Variants in CNP observed in about 807,000 individuals in gnomAD.
CNP encodes 2',3'-cyclic-nucleotide 3'-phosphodiesterase.
In CNP, 8 loss-of-function variants were observed where a neutral mutation model predicts 37.9. That is an observed-to-expected ratio of 0.21 (90% CI 0.12 to 0.38). CNP has a LOEUF of 0.38. Ranked by LOEUF, CNP falls within the 10% of genes least tolerant of loss-of-function variation. CNP has a pLI of 1.00. For synonymous variants in CNP, 237 were observed against 238.3 expected, an observed-to-expected ratio of 0.99 and a Z score of 0.05; for missense variants, 457 against 551.0, an observed-to-expected ratio of 0.83 and a Z score of 1.71.
In CNP at chr17:41,966,860, G is replaced by A. The variant is rs947034782; in HGVS notation, c.-25G>A. On this transcript the variant is annotated 5_prime_UTR_variant, in exon 1 of 4. Transcript: ENST00000393892. ...CCGGAGCGCTGGTGCCGGCAGAGGC[G>A]GCGACGGTGGCGCCCCTCCTCATCA... 3 of 1,363,396 alleles carry A rather than the reference G, an allele frequency of 2.2e-6. No homozygotes were observed. Among genetic ancestry groups the A allele is most frequent in the African/African-American group, 3.0e-5 (2 of 65,902 alleles). 84.5% of individuals were successfully genotyped at this position (1,363,396 alleles called of 1,614,324 possible).
chr17:41,972,517 G>A (rs1395169401), intron 3 of CNP, among the ~76,000 whole-genome samples: 3 of 152,094 alleles, frequency 2.0e-5, no homozygotes, highest in African/African-American at 7.2e-5. Context: ...CCACACAGCT[G>A]GCACCTTACA....
chr17:41,971,765 G>A (rs2050993776), intron 2 of CNP, 127 bp from the exon 3 acceptor site: 2 of 1,245,090 alleles, frequency 1.6e-6, no homozygotes, highest in East Asian at 2.4e-5. Flanking sequence ...TGAATGAGCT[G>A]TAGTGGGTTG....
At position 41,966,833 on chromosome 17, in the gene CNP, C is replaced by T. The variant is rs2050902480; in HGVS notation, c.-52C>T. The T allele has an allele frequency of 2.9e-6, 4 of 1,375,656 alleles. No individual in the cohort carries two copies. The highest frequency in any genetic ancestry group is 3.3e-5 in the South Asian group (2 of 60,998). The allele number at this position is 1,375,656 out of a possible 1,614,324, so 85.2% of individuals were successfully genotyped here. A position where few individuals can be genotyped will look rare whatever the true frequency, so the allele number is the denominator to read the frequency against. Reference sequence around the variant, plus strand: ...CGTGTCCCTCCGCGCAGGCGGGCGGCCCCGGAGCGCTGGTGCCGGCAGAGG... The same window carrying T: ...CGTGTCCCTCCGCGCAGGCGGGCGGTCCCGGAGCGCTGGTGCCGGCAGAGG... On this transcript the variant is annotated 5_prime_UTR_variant, in exon 1 of 4. Transcript: ENST00000393892.
chr17:41,976,536 T>A lies in CNP; in HGVS notation c.*2612T>A. On this transcript the variant is annotated 3_prime_UTR_variant, in exon 4 of 4. Transcript: ENST00000393892. ...AGCTGCCTCCCTGTCCACCCCCGCC[T>A]CCCTCCCCTGCCCTCGGTCTTCGGC... The A allele has an allele frequency of 2.6e-4, 122 of 474,900 alleles. No homozygotes were observed. Among genetic ancestry groups the A allele is most frequent in the East Asian group, 5.2e-4 (10 of 19,384 alleles). The allele number at this position is 474,900 out of a possible 1,614,324, so 29.4% of individuals were successfully genotyped here. A position where few individuals can be genotyped will look rare whatever the true frequency, so the allele number is the denominator to read the frequency against.
At position 41,973,629 on chromosome 17, in the gene CNP, C is replaced by T. The variant is rs34044046; in HGVS notation, c.971C>T (p.Pro324Leu). The T allele has an allele frequency of 3.4e-4, 547 of 1,614,136 alleles. 2 individuals are homozygous for T. The African/African-American group carries it at 4.1e-3, about 12-fold the overall frequency. ...VDKLSPTDNL[P>L]RGSRAHITLG... Reference sequence around the variant, plus strand: ...AAGCTGTCACCCACTGACAACCTGCCGCGGGGGAGCCGCGCCCACATCACC... The same window carrying T: ...AAGCTGTCACCCACTGACAACCTGCTGCGGGGGAGCCGCGCCCACATCACC... The change falls in exon 4 of 4, where the codon CCG becomes CTG. Residue 324 changes from proline (P) to leucine (L), a missense_variant. Physicochemically the swap from Pro to Leu is moderately conservative, Grantham distance 98. This residue lies in a region of CNP where 291 missense variants were observed against 291.7 expected (regional missense o/e 1.00). Transcript: ENST00000393892.
At position 41,968,884 on chromosome 17, in the gene CNP, G is replaced by A. The variant is rs896936612; in HGVS notation, c.676+144G>A. On this transcript the variant is annotated intron_variant, in intron 2 of 3. Coordinates refer to ENST00000393892, the MANE Select transcript of CNP (RefSeq NM_033133.5). The surrounding 1 kb of genome is among the most constrained non-coding windows in gnomAD (Gnocchi z 4.8). The stretch of plus-strand genomic sequence containing the variant: ...CACCTCAGCGGGGGCAGGGGCAAGC[G>A]GTGCGTCCCAGTGGTAGCCTTGGGG... The A allele has an allele frequency of 2.0e-6, 2 of 988,124 alleles. No homozygotes were observed. Among genetic ancestry groups the A allele is most frequent in the Non-Finnish European group, 2.9e-6 (2 of 690,824 alleles). 61.2% of individuals were successfully genotyped at this position (988,124 alleles called of 1,614,324 possible).
rs1270724364 is a variant in CNP, at chr17:41,977,683, A to G, written c.*3759A>G. On this transcript the variant is annotated 3_prime_UTR_variant, in exon 4 of 4. Coordinates refer to ENST00000393892, the MANE Select transcript of CNP (RefSeq NM_033133.5). ...TATAATGCTGGAGCGGCTACTAAAA[A>G]GGATAAAATGTATCACTTAAATGTT... 5 of 178,334 alleles carry G rather than the reference A, an allele frequency of 2.8e-5. No homozygotes were observed. The highest frequency in any genetic ancestry group is 7.1e-5 in the African/African-American group (3 of 42,256). 11.0% of individuals were successfully genotyped at this position (178,334 alleles called of 1,614,324 possible). A position where few individuals can be genotyped will look rare whatever the true frequency, so the allele number is the denominator to read the frequency against.
At chr17:41,973,365 A>T in intron 3 of CNP, 110 bp from the exon 4 acceptor site, 1 of 1,035,252 alleles carries the variant, frequency 9.7e-7, no homozygotes, top group Non-Finnish European at 1.4e-6. Context: ...AGCTGTGCTC[A>T]CTTCTGTTAG....
chr17:41,977,155 G>A lies in CNP; in HGVS notation c.*3231G>A, dbSNP rs1227759353. 8.8e-7 allele frequency: 1 copy of A among 1,141,680 alleles called. No individual in the cohort carries two copies. Among genetic ancestry groups the A allele is most frequent in the African/African-American group, 1.6e-5 (1 of 63,962 alleles). 70.7% of individuals were successfully genotyped at this position (1,141,680 alleles called of 1,614,324 possible). ...AGATGCCCTGCTAGATGAGAATTCA[G>A]CTGCCCCCGCTCATGGGCCCCTCTG... On this transcript the variant is annotated 3_prime_UTR_variant, in exon 4 of 4. Transcript: ENST00000393892.
intron 1 of CNP, 76 bp from the exon 2 acceptor site, chr17:41,967,992 G>A (rs2050928256): frequency 6.4e-7 from 1 of 1,550,888 alleles, no homozygotes; most frequent in South Asian, 1.2e-5. Context: ...CCCACAACCA[G>A]TCTAGGGACT....
rs1195931394 is a variant in CNP, at chr17:41,974,091, G to A, written c.*167G>A. ...AATAACTGACCCTCCCTTCCTGTCC[G>A]CCCTCTTCCCCTCTAATGCTCACGC... On this transcript the variant is annotated 3_prime_UTR_variant, in exon 4 of 4. Coordinates refer to ENST00000393892, the MANE Select transcript of CNP (RefSeq NM_033133.5). The A allele has an allele frequency of 2.5e-5, 14 of 557,746 alleles. No individual in the cohort carries two copies. Among genetic ancestry groups the A allele is most frequent in the Admixed American group, 4.1e-5 (1 of 24,550 alleles). The allele number at this position is 557,746 out of a possible 1,614,324, so 34.5% of individuals were successfully genotyped here.
Position 41,972,050 on chromosome 17 carries a change from C to T in CNP, c.816+19C>T. On this transcript the variant is annotated intron_variant, in intron 3 of 3. Coordinates refer to ENST00000393892, the MANE Select transcript of CNP (RefSeq NM_033133.5). ...ACAAGATGTGAGTCTTCCCCAGGGA[C>T]ACATGGGGGAGGTGGGAGGTTGGGG... The T allele has an allele frequency of 6.2e-7, 1 of 1,611,734 alleles. No individual in the cohort carries two copies.
In CNP at chr17:41,974,832, G is replaced by A. The variant is rs1490210681; in HGVS notation, c.*908G>A. 5.9e-5 allele frequency: 9 copies of A among 152,392 alleles called. No individual in the cohort carries two copies. Among genetic ancestry groups the A allele is most frequent in the Admixed American group, 5.9e-4 (9 of 15,286 alleles). 9.4% of individuals were successfully genotyped at this position (152,392 alleles called of 1,614,324 possible). ...GGGCCAGAGGCAGAACCCTGGTGAGGAAGCTCCAGTCCTGCTCTCTACCCA... is the reference window on the plus strand; with the variant it reads ...GGGCCAGAGGCAGAACCCTGGTGAGAAAGCTCCAGTCCTGCTCTCTACCCA... On this transcript the variant is annotated 3_prime_UTR_variant, in exon 4 of 4. Transcript: ENST00000393892.
Position 41,968,857 on chromosome 17 carries a change from C to A in CNP, c.676+117C>A. The A allele has an allele frequency of 8.0e-7, 1 of 1,246,182 alleles. No individual in the cohort carries two copies. Among genetic ancestry groups the A allele is most frequent in the Non-Finnish European group, 1.1e-6 (1 of 920,340 alleles). 77.2% of individuals were successfully genotyped at this position (1,246,182 alleles called of 1,614,324 possible). A position where few individuals can be genotyped will look rare whatever the true frequency, so the allele number is the denominator to read the frequency against. ...CGAAGCAGCAGGAGGCAGAGAGAGG[C>A]TCACCTCAGCGGGGGCAGGGGCAAG... On this transcript the variant is annotated intron_variant, in intron 2 of 3. Coordinates refer to ENST00000393892, the MANE Select transcript of CNP (RefSeq NM_033133.5). This position sits in a 1 kb window ranked among gnomAD's most constrained non-coding sequence, Gnocchi z 4.8.
Position 41,973,930 on chromosome 17 carries a change from C to T in CNP, c.*6C>T, listed in dbSNP as rs1598106459. 1 of 1,503,574 alleles carries T rather than the reference C, an allele frequency of 6.7e-7. No individual in the cohort carries two copies. The highest frequency in any genetic ancestry group is 1.8e-4 in the Middle Eastern group (1 of 5,502). 93.1% of individuals were successfully genotyped at this position (1,503,574 alleles called of 1,614,324 possible). ...AGTCCTGCACCATCATATGAGTGTT[C>T]TCACCACCACTTATGCCCCTAGAAG... On this transcript the variant is annotated 3_prime_UTR_variant, in exon 4 of 4. Transcript: ENST00000393892.
rs1428680999 is a variant in CNP at position 41,976,940 on chromosome 17, CTGTATTATACA to C, written c.*3019_*3029del. 233 of 737,576 alleles carry C rather than the reference CTGTATTATACA, an allele frequency of 3.2e-4. No individual in the cohort carries two copies. In the African/African-American group the frequency reaches 3.5e-3, roughly 11 times the overall value. The allele number at this position is 737,576 out of a possible 1,614,324, so 45.7% of individuals were successfully genotyped here. A position where few individuals can be genotyped will look rare whatever the true frequency, so the allele number is the denominator to read the frequency against. On this transcript the variant is annotated 3_prime_UTR_variant, in exon 4 of 4. Coordinates refer to ENST00000393892, the MANE Select transcript of CNP (RefSeq NM_033133.5). Reference sequence around the variant, plus strand: ...TTTGGGTGCAAGAGGGAGCACGTGACTGTATTATACATGGGTAGCTTCTGACCTCAGCATTA... The same window carrying C: ...TTTGGGTGCAAGAGGGAGCACGTGACTGGGTAGCTTCTGACCTCAGCATTA...
chr17:41,970,520 A>C (rs1246746471), intron 2 of CNP: 1 of 144,846 alleles, frequency 6.9e-6, no homozygotes, highest in Non-Finnish European at 1.5e-5. Context: ...TGCCTCAGCC[A>C]CCCAAGTAGC....
In CNP at chr17:41,973,590, C is replaced by T. The variant is rs782472388; in HGVS notation, c.932C>T (p.Pro311Leu). ...AGCGAGCAGCAACTGCAGTTGTGGCCGAGTGATGTGGACAAGCTGTCACCC... is the reference window on the plus strand; with the variant it reads ...AGCGAGCAGCAACTGCAGTTGTGGCTGAGTGATGTGGACAAGCTGTCACCC... Reference protein sequence around the residue: ...ELSEQQLQLWPSDVDKLSPTD... With the variant: ...ELSEQQLQLWLSDVDKLSPTD... Residue 311 changes from proline (P) to leucine (L), a missense_variant, in exon 4 of 4, where the codon CCG (proline) becomes CTG (leucine). Around this residue, in one of 2 missense-constraint regions of CNP, gnomAD observed 291 missense variants for 291.7 expected, o/e 1.00. Transcript: ENST00000393892. The T allele has an allele frequency of 1.8e-5, 29 of 1,614,104 alleles. No homozygotes were observed. The highest frequency in any genetic ancestry group is 6.7e-5 in the African/African-American group (5 of 74,944).
chr17:41,973,899 C>G lies in CNP; in HGVS notation c.1241C>G (p.Ala414Gly). ...VPTQGSRKGGALQSCTII is the reference protein window; with the variant it reads ...VPTQGSRKGGGLQSCTII The stretch of plus-strand genomic sequence containing the variant: ...ACGCAAGGTAGCCGGAAGGGGGGCG[C>G]CTTGCAGTCCTGCACCATCATATGA... Residue 414 changes from alanine (A) to glycine (G), a missense_variant, in exon 4 of 4, where the codon GCC becomes GGC. Around this residue, in one of 2 missense-constraint regions of CNP, gnomAD observed 291 missense variants for 291.7 expected, o/e 1.00. Coordinates refer to ENST00000393892, the MANE Select transcript of CNP (RefSeq NM_033133.5). 6.4e-7 allele frequency: 1 copy of G among 1,556,326 alleles called. No individual in the cohort carries two copies. The highest frequency in any genetic ancestry group is 8.7e-7 in the Non-Finnish European group (1 of 1,150,080).
Sources: allele counts gnomAD v4.1 joint callset (sites outside exome capture counted in the v4.1 genomes callset), GRCh38; gene constraint gnomAD v4.1.1; regional missense constraint gnomAD v4.1.1; non-coding constraint Gnocchi (gnomAD v3.1); transcripts MANE v1.5; gene names NCBI Gene and HGNC (gene_info 2026-07-23, HGNC 2026-07-21).